Variants in USP45 observed in about 807,000 individuals in gnomAD.
USP45 encodes the protein ubiquitin specific peptidase 45, also known as ubiquitin carboxyl-terminal hydrolase 45.
A neutral mutation model predicts 95.8 loss-of-function variants in USP45; 89 were observed. The ratio of observed to expected loss-of-function variants is 0.93; its 90% CI spans 0.78 to 1.11. The LOEUF (loss-of-function observed/expected upper bound fraction) is 1.11. Ranked by LOEUF, USP45 falls within the 50% of genes least tolerant of loss-of-function variation. The pLI is 0.00. For synonymous variants in USP45, 281 were observed against 316.2 expected (o/e 0.89, Z 1.18); for missense variants, 898 against 942.5 (o/e 0.95, Z 0.62).
chr6:99,516,200 G>C (rs898461095), upstream of USP45, among the ~76,000 whole-genome samples: 6 of 152,012 alleles, frequency 3.9e-5, no homozygotes, highest in South Asian at 2.1e-4. Context: ...TAGCTAGATA[G>C]TACATTTCTT....
intron 15 of USP45, among the ~76,000 whole-genome samples, chr6:99,443,314 A>G (rs1291522771): frequency 6.6e-6 from 1 of 152,130 alleles, no homozygotes; most frequent in Non-Finnish European, 1.5e-5. Flanking sequence ...CTTATTTTCT[A>G]TTACCACACA....
At chr6:99,513,369 T>TA (rs749914124) in intron 1 of USP45, among the ~76,000 whole-genome samples, 8 of 152,268 alleles carry the variant, frequency 5.3e-5, no homozygotes, top group Middle Eastern at 3.4e-3. Context: ...CCAACTAACT[T>TA]ACCAAAAACT....
intron 9 of USP45, among the ~76,000 whole-genome samples, 167 bp downstream of exon 9, chr6:99,475,976 C>A (rs1023143493): frequency 6.6e-6 from 1 of 152,104 alleles, no homozygotes; most frequent in Non-Finnish European, 1.5e-5. Flanking sequence ...AGGTATGCAC[C>A]ACCATGCGCG....
rs144196710 is a variant in USP45, at chr6:99,458,952, A to G, written c.1308+5652T>C. Among the ~76,000 whole-genome samples the G allele has an allele frequency of 8.5e-5, 13 of 152,340 alleles. No homozygotes were observed. In the East Asian group the frequency reaches 2.5e-3, roughly 29 times the overall value. ...AATTAACCAGATGCATATAAGTCAC[A>G]GACTTGTTTTTGTTTTGAACAGCAA... On this transcript the variant is annotated intron_variant, in intron 13 of 17. Transcript: ENST00000500704.
intron 5 of USP45, among the ~76,000 whole-genome samples, chr6:99,495,762 G>A (rs1796153210): frequency 6.6e-6 from 1 of 152,136 alleles, no homozygotes; most frequent in African/African-American, 2.4e-5. Context: ...CACATGTTTT[G>A]TGTTTGGATT....
chr6:99,482,796 C>T lies in USP45; in HGVS notation c.802G>A (p.Gly268Arg). 1 of 1,605,370 alleles carries T rather than the reference C, an allele frequency of 6.2e-7. No individual in the cohort carries two copies. Among genetic ancestry groups the T allele is most frequent in the Non-Finnish European group, 8.5e-7 (1 of 1,175,376 alleles). The change falls in exon 8 of 18, where the codon GGA becomes AGA. Residue 268 changes from glycine (G) to arginine (R), a missense_variant. By Grantham distance (125) the Gly-to-Arg change is moderately radical (BLOSUM62 -2). Coordinates refer to ENST00000500704, the MANE Select transcript of USP45 (RefSeq NM_001346022.3). ...AAAAGAACTTTAGGAGAAAGTGGTC[C>T]TTTTTCAGTCTCCTTCATGCTGTGA... ...FLHSMKETEKGPLSPKVLFNQ... is the reference protein window; with the variant it reads ...FLHSMKETEKRPLSPKVLFNQ...
chr6:99,508,091 C>A lies in USP45; in HGVS notation c.273+519G>T, dbSNP rs552330786. 8.5e-5 allele frequency among the ~76,000 whole-genome samples: 13 copies of A among 152,176 alleles called. No homozygotes were observed. The South Asian group carries it at 2.7e-3, about 32-fold the overall frequency. ...AGAATAAACCTCAGTTTTTAATGTT[C>A]TTTCCATTAAATTAACTAATCCTGA... On this transcript the variant is annotated intron_variant, in intron 3 of 17. Transcript: ENST00000500704.
intron 1 of USP45, among the ~76,000 whole-genome samples, chr6:99,511,886 TAC>T (rs1370395623): frequency 7.0e-6 from 1 of 142,518 alleles, no homozygotes; most frequent in African/African-American, 2.6e-5. Flanking sequence ...TATATATATA[TAC>T]ACATAGTTGA....
intron 16 of USP45, among the ~76,000 whole-genome samples, chr6:99,437,699 C>T (rs761040867): frequency 2.7e-4 from 41 of 152,142 alleles, no homozygotes; most frequent in Non-Finnish European, 4.6e-4. Flanking sequence ...GCTCTGTTAC[C>T]CAGGCTGGAG....
chr6:99,507,552 A>G, intron 3 of USP45, 21 bp from the exon 4 acceptor site: 2 of 1,455,350 alleles, frequency 1.4e-6, no homozygotes, highest in Non-Finnish European at 1.9e-6. Flanking sequence ...ACAGAATTTT[A>G]TTTTGTATGA....
rs1780672348 is a variant in USP45, at chr6:99,437,267, T to A, written c.2293A>T (p.Thr765Ser). The A allele has an allele frequency of 1.2e-6, 2 of 1,606,546 alleles. No homozygotes were observed. Among genetic ancestry groups the A allele is most frequent in the South Asian group, 2.2e-5 (2 of 88,944 alleles). The change falls in exon 17 of 18, where the codon ACT (threonine) becomes TCT (serine). Residue 765 changes from threonine (T) to serine (S), a missense_variant. Thr to Ser is a moderately conservative substitution (Grantham distance 58). Transcript: ENST00000500704. ...ATACCAGGCACATTTTTCTTTTTAG[T>A]GTTATGTTCCGATAATTTCCTGGAG... is the stretch of plus-strand genomic sequence containing the variant. Reference protein sequence around the residue: ...TPSRKLSEHNTKKKNVPGLKA... With the variant: ...TPSRKLSEHNSKKKNVPGLKA...
intron 1 of USP45, 38 bp downstream of exon 1, chr6:99,515,354 A>G (rs1800965632): frequency 6.6e-6 from 1 of 152,206 alleles, no homozygotes; most frequent in Non-Finnish European, 1.5e-5. Flanking sequence ...CGGCGACCAT[A>G]CCGCCGCTGC....
At chr6:99,467,955 T>C (rs1326705508) in intron 10 of USP45, 1 of 227,774 alleles carries the variant, frequency 4.4e-6, no homozygotes, top group East Asian at 1.1e-4. Context: ...AGAATATACA[T>C]TTAGGGCAAG....
At chr6:99,476,029 C>A in intron 9 of USP45, 114 bp downstream of exon 9, 1 of 847,316 alleles carries the variant, frequency 1.2e-6, no homozygotes, top group East Asian at 2.7e-5. Flanking sequence ...GTTGGCTAGG[C>A]TGGTCTGAAA....
In USP45 at chr6:99,490,867, G is replaced by C. The variant is rs181753226; in HGVS notation, c.479-2047C>G. On this transcript the variant is annotated intron_variant, in intron 5 of 17. Transcript: ENST00000500704. ...TTACAGGTGTGAGCCACCGCGCCCA[G>C]CAGAAGATGTTTCTTTCATTAAGCA... Among the ~76,000 whole-genome samples the C allele has an allele frequency of 3.0e-4, 46 of 152,274 alleles. No individual in the cohort carries two copies. The East Asian group carries it at 8.7e-3, about 29-fold the overall frequency.
At position 99,508,383 on chromosome 6, in the gene USP45, T is replaced by C. The variant is rs138188817; in HGVS notation, c.273+227A>G. Among the ~76,000 whole-genome samples the C allele has an allele frequency of 2.0e-4, 30 of 152,298 alleles. No individual in the cohort carries two copies. The East Asian group carries it at 5.6e-3, about 28-fold the overall frequency. On this transcript the variant is annotated intron_variant, in intron 3 of 17. Transcript: ENST00000500704. The stretch of plus-strand genomic sequence containing the variant: ...AGATATGGGAACTACTGCAAATAGG[T>C]TGAATTACCTCTGCAAGTATTTATA...
intron 9 of USP45, among the ~76,000 whole-genome samples, chr6:99,470,572 AAAT>A (rs1789155840): frequency 6.6e-6 from 1 of 152,234 alleles, no homozygotes; most frequent in African/African-American, 2.4e-5. Flanking sequence ...ACAAGTCCTG[AAAT>A]ACACTTATAT....
intron 9 of USP45, among the ~76,000 whole-genome samples, chr6:99,475,812 TA>T (rs1790676302): frequency 1.8e-4 from 1 of 5,674 alleles, no homozygotes. Flanking sequence ...ATTACTTACT[TA>T]GTTGTTTTTT....
rs1474270421 is a variant in USP45 at position 99,468,088 on chromosome 6, C to A, written c.1015+449G>T. 3 of 453,452 alleles carry A rather than the reference C, an allele frequency of 6.6e-6. No individual in the cohort carries two copies. In the Admixed American group the frequency reaches 7.1e-5, roughly 11 times the overall value. 28.1% of individuals were successfully genotyped at this position (453,452 alleles called of 1,614,324 possible). ...ACTAGGAGTAGGCAAAGTGCACTTA[C>A]ACTTGACTTACCAGCACTCTCTTCA... On this transcript the variant is annotated intron_variant, in intron 10 of 17. Transcript: ENST00000500704.
Sources: gnomAD v4.1 joint callset for allele counts (sites outside exome capture counted in the v4.1 genomes callset) on GRCh38, gnomAD v4.1.1 for gene constraint, MANE v1.5 for transcripts, NCBI Gene and HGNC (gene_info 2026-07-23, HGNC 2026-07-21) for gene names.